Variants in CCDC192 observed in about 807,000 individuals in gnomAD.
The protein encoded by CCDC192 is coiled-coil domain-containing protein 192.
intron 2 of CCDC192, among the ~76,000 whole-genome samples, chr5:127,749,096 T>G (rs1309797530): frequency 6.6e-6 from 1 of 152,056 alleles, no homozygotes; most frequent in African/African-American, 2.4e-5. Context: ...TAATTGAATA[T>G]CCTTTATTTC....
rs180757880 is a variant in CCDC192, at chr5:127,863,411, T to G, written c.412-12127T>G. Reference sequence around the variant, plus strand: ...TTAGAGAAGATGCCTTGCTGGAGAGTAAATTATAATGAGGACATCATGCCA... The same window carrying G: ...TTAGAGAAGATGCCTTGCTGGAGAGGAAATTATAATGAGGACATCATGCCA... On this transcript the variant is annotated intron_variant, in intron 5 of 6. Coordinates refer to ENST00000514853, the MANE Select transcript of CCDC192 (RefSeq NM_001317938.2). Among the ~76,000 whole-genome samples the G allele has an allele frequency of 1.1e-4, 17 of 152,220 alleles. No homozygotes were observed. In the East Asian group the frequency reaches 3.3e-3, roughly 29 times the overall value.
At chr5:127,913,744 T>C (rs1753440813) in intron 6 of CCDC192, among the ~76,000 whole-genome samples, 1 of 152,254 alleles carries the variant, frequency 6.6e-6, no homozygotes, top group Non-Finnish European at 1.5e-5. Flanking sequence ...GTCAACTTCC[T>C]CAGATAAAAC....
chr5:127,878,017 T>C (rs1752152275), intron 6 of CCDC192, among the ~76,000 whole-genome samples: 1 of 152,196 alleles, frequency 6.6e-6, no homozygotes, highest in Non-Finnish European at 1.5e-5. Context: ...AAACACTGTG[T>C]CACTCATCTC....
intron 2 of CCDC192, among the ~76,000 whole-genome samples, chr5:127,744,807 A>G (rs909357192): frequency 2.0e-5 from 3 of 152,194 alleles, no homozygotes; most frequent in Non-Finnish European, 4.4e-5. Context: ...AATTATTAAC[A>G]TTTATTGAGC....
intron 5 of CCDC192, among the ~76,000 whole-genome samples, chr5:127,838,113 A>G (rs1394851412): frequency 6.6e-5 from 10 of 152,218 alleles, no homozygotes. Flanking sequence ...CGCATGGGTA[A>G]GCAATCCTGT....
intron 3 of CCDC192, among the ~76,000 whole-genome samples, chr5:127,776,946 G>A (rs762840824): frequency 6.6e-6 from 1 of 152,226 alleles, no homozygotes; most frequent in Non-Finnish European, 1.5e-5. Context: ...TTGCTGCAGG[G>A]GCAGTGCCCT....
intron 6 of CCDC192, among the ~76,000 whole-genome samples, chr5:127,903,673 C>A (rs1478344529): frequency 3.3e-5 from 5 of 152,062 alleles, no homozygotes; most frequent in Non-Finnish European, 7.4e-5. Context: ...AGCCTGAGAA[C>A]AGAAAAGGGG....
At chr5:127,854,559 G>A (rs914851398) in intron 5 of CCDC192, among the ~76,000 whole-genome samples, 1 of 152,050 alleles carries the variant, frequency 6.6e-6, no homozygotes, top group African/African-American at 2.4e-5. Context: ...TATCTATAGC[G>A]TTCAGTTTCA....
intron 6 of CCDC192, among the ~76,000 whole-genome samples, chr5:127,886,124 T>C (rs1453712854): frequency 6.6e-6 from 1 of 152,152 alleles, no homozygotes; most frequent in Non-Finnish European, 1.5e-5. Context: ...TCCCAGAAAC[T>C]GTGGCTATAA....
chr5:127,840,975 C>T (rs1226905715), intron 5 of CCDC192, among the ~76,000 whole-genome samples: 1 of 152,154 alleles, frequency 6.6e-6, no homozygotes, highest in Non-Finnish European at 1.5e-5. Flanking sequence ...CAAAACAAGT[C>T]AACCAGAACC....
intron 3 of CCDC192, among the ~76,000 whole-genome samples, chr5:127,781,884 G>A (rs1311916462): frequency 6.6e-6 from 1 of 152,160 alleles, no homozygotes; most frequent in African/African-American, 2.4e-5. Flanking sequence ...CTGAAGAGGA[G>A]TGGTGAGAAT....
At chr5:127,739,432 C>T (rs969917057) in intron 2 of CCDC192, 2 of 152,432 alleles carry the variant, frequency 1.3e-5, no homozygotes, top group Non-Finnish European at 2.9e-5. Flanking sequence ...GGCAGGCAGG[C>T]CTCCTTGAGC....
At chr5:127,750,962 G>T (rs1240221199) in intron 2 of CCDC192, among the ~76,000 whole-genome samples, 3 of 146,914 alleles carry the variant, frequency 2.0e-5, no homozygotes, top group African/African-American at 5.0e-5. Context: ...TTTTCCATTT[G>T]CTTGGTAGAT....
At chr5:127,797,499 A>G (rs1258766016) in intron 4 of CCDC192, among the ~76,000 whole-genome samples, 1 of 151,872 alleles carries the variant, frequency 6.6e-6, no homozygotes, top group African/African-American at 2.4e-5. Flanking sequence ...TATTTTATAA[A>G]TGGTATTGAC....
At chr5:127,860,590 A>G (rs1002328441) in intron 5 of CCDC192, among the ~76,000 whole-genome samples, 1 of 152,230 alleles carries the variant, frequency 6.6e-6, no homozygotes, top group East Asian at 1.9e-4. Context: ...AGATAGCAAT[A>G]AAAGTCCCAC....
chr5:127,849,020 A>G (rs1750683839), intron 5 of CCDC192, among the ~76,000 whole-genome samples: 1 of 152,134 alleles, frequency 6.6e-6, no homozygotes, highest in Non-Finnish European at 1.5e-5. Flanking sequence ...ACTTGAAGTC[A>G]AGAGTTTGAG....
rs959866240 is a variant in CCDC192, at chr5:127,846,833, A to C, written c.412-28705A>C. On this transcript the variant is annotated intron_variant, in intron 5 of 6. Transcript: ENST00000514853. Reference sequence around the variant, plus strand: ...AGTCAATAAAGCAAAAAAAAAAAAAAAAAAAAAAAAAACAGGGAAACATCA... The same window carrying C: ...AGTCAATAAAGCAAAAAAAAAAAAACAAAAAAAAAAAACAGGGAAACATCA... Among the ~76,000 whole-genome samples, 20 of 149,268 alleles carry C rather than the reference A, an allele frequency of 1.3e-4. No homozygotes were observed. The East Asian group carries it at 2.5e-3, about 19-fold the overall frequency.
intron 5 of CCDC192, among the ~76,000 whole-genome samples, chr5:127,868,055 C>G (rs529640227): frequency 6.7e-6 from 1 of 149,930 alleles, no homozygotes; most frequent in East Asian, 2.0e-4. Flanking sequence ...TTGCCTAGAC[C>G]GTTCTATCAA....
At chr5:127,793,469 A>G (rs1756996236) in intron 3 of CCDC192, among the ~76,000 whole-genome samples, 1 of 152,210 alleles carries the variant, frequency 6.6e-6, no homozygotes, top group Non-Finnish European at 1.5e-5. Flanking sequence ...GTAAGAAAAA[A>G]ACGTCACAGG....
Sources: allele counts gnomAD v4.1 joint callset (sites outside exome capture counted in the v4.1 genomes callset), GRCh38; gene constraint gnomAD v4.1.1; transcripts MANE v1.5; gene names NCBI Gene and HGNC (gene_info 2026-07-23, HGNC 2026-07-21).